Variants in CACNA1B observed in about 807,000 individuals in gnomAD.
CACNA1B encodes calcium voltage-gated channel subunit alpha1 B, also known as voltage-dependent N-type calcium channel subunit alpha-1B.
A neutral mutation model predicts 247.2 loss-of-function variants in CACNA1B; 70 were observed. That is an observed-to-expected ratio of 0.28 (90% CI 0.23 to 0.35). The LOEUF (loss-of-function observed/expected upper bound fraction) is 0.35. CACNA1B is among the 10% of genes least tolerant of loss of function. The pLI, the probability that CACNA1B is intolerant of heterozygous loss-of-function variation, is 1.00. For missense variants in CACNA1B, 2,367 were observed against 3,197.4 expected (o/e 0.74, Z 6.26); for synonymous variants, 1,231 against 1,294.4 (o/e 0.95, Z 1.05).
chr9:138,115,718 G>C (rs1333485974), intron 42 of CACNA1B, 39 bp downstream of exon 42: 1 of 1,584,270 alleles, frequency 6.3e-7, no homozygotes, highest in Admixed American at 1.7e-5. Flanking sequence ...GACAGGAGGA[G>C]GTCCAAAGAC....
chr9:137,986,769 C>G lies in CACNA1B; in HGVS notation c.1902-13C>G. 1 of 1,610,660 alleles carries G rather than the reference C, an allele frequency of 6.2e-7. No homozygotes were observed. Among genetic ancestry groups the G allele is most frequent in the Non-Finnish European group, 8.5e-7 (1 of 1,176,874 alleles). ...CGGGACTGCCACTTCCCAAGCCTTCCTGTTTTCCTCAGGTTCAACTTCCAG... is the reference window on the plus strand; with the variant it reads ...CGGGACTGCCACTTCCCAAGCCTTCGTGTTTTCCTCAGGTTCAACTTCCAG... On this transcript the variant is annotated splice_polypyrimidine_tract_variant and intron_variant, in intron 14 of 46. Transcript: ENST00000371372. This position sits in a 1 kb window ranked among gnomAD's most constrained non-coding sequence, Gnocchi z 6.0.
rs1213558513 is a variant in CACNA1B, at chr9:138,123,987, G to A, written c.*1988G>A. ...ATGCAGAACCACAGCCATTTCCCCA[G>A]GCAGTGTTGGGTCGAGAATCCACTT... On this transcript the variant is annotated 3_prime_UTR_variant, in exon 47 of 47. Coordinates refer to ENST00000371372, the MANE Select transcript of CACNA1B (RefSeq NM_000718.4). The A allele has an allele frequency of 6.6e-6, 1 of 152,174 alleles. No individual in the cohort carries two copies. The highest frequency in any genetic ancestry group is 1.9e-4 in the East Asian group (1 of 5,200). 9.4% of individuals were successfully genotyped at this position (152,174 alleles called of 1,614,324 possible). A position where few individuals can be genotyped will look rare whatever the true frequency, so the allele number is the denominator to read the frequency against.
rs1174884659 is a variant in CACNA1B at position 137,899,357 on chromosome 9, C to T, written c.531-13823C>T. Among the ~76,000 whole-genome samples the T allele has an allele frequency of 2.0e-5, 3 of 151,986 alleles. No individual in the cohort carries two copies. Among genetic ancestry groups the T allele is most frequent in the Admixed American group, 6.6e-5 (1 of 15,246 alleles). ...ATCCACCTGTCTTGGCCTCCCAAAGCGCTGGGATTGGGATATGCTTTCTTA... is the reference window on the plus strand; with the variant it reads ...ATCCACCTGTCTTGGCCTCCCAAAGTGCTGGGATTGGGATATGCTTTCTTA... On this transcript the variant is annotated intron_variant, in intron 3 of 46. Coordinates refer to ENST00000371372, the MANE Select transcript of CACNA1B (RefSeq NM_000718.4). This position sits in a 1 kb window ranked among gnomAD's most constrained non-coding sequence, Gnocchi z 5.0.
At chr9:138,113,246 A>C (rs1961721456) in intron 40 of CACNA1B, among the ~76,000 whole-genome samples, 1 of 144,988 alleles carries the variant, frequency 6.9e-6, no homozygotes, top group Non-Finnish European at 1.5e-5. Context: ...GCCCAACTCC[A>C]CTGGGAGGTG....
At position 137,913,144 on chromosome 9, in the gene CACNA1B, A is replaced by C. The variant is rs1957376010; in HGVS notation, c.531-36A>C. On this transcript the variant is annotated intron_variant, in intron 3 of 46. Coordinates refer to ENST00000371372, the MANE Select transcript of CACNA1B (RefSeq NM_000718.4). This position sits in a 1 kb window ranked among gnomAD's most constrained non-coding sequence, Gnocchi z 5.2. ...TGTCCTCTTCCAGGCTCAATGTGGA[A>C]ACCTTTACTTCCCTTCTTCTCCTTG... is the stretch of plus-strand genomic sequence containing the variant. The C allele has an allele frequency of 1.3e-6, 2 of 1,565,498 alleles. No individual in the cohort carries two copies. Among genetic ancestry groups the C allele is most frequent in the Non-Finnish European group, 1.8e-6 (2 of 1,136,726 alleles).
chr9:137,957,478 C>G lies in CACNA1B; in HGVS notation c.1244-120C>G. ...CAATCATCCGGCCTCAGCCCCAGTT[C>G]AGGACAGGAGCTCAGGAGAGGTCAC... is the stretch of plus-strand genomic sequence containing the variant. On this transcript the variant is annotated intron_variant, in intron 9 of 46. Transcript: ENST00000371372. The surrounding 1 kb of genome is among the most constrained non-coding windows in gnomAD (Gnocchi z 4.7). 2 of 597,694 alleles carry G rather than the reference C, an allele frequency of 3.3e-6. No individual in the cohort carries two copies. Among genetic ancestry groups the G allele is most frequent in the South Asian group, 6.1e-5 (2 of 32,842 alleles). The allele number at this position is 597,694 out of a possible 1,614,324, so 37.0% of individuals were successfully genotyped here.
Position 137,888,564 on chromosome 9 carries a change from T to C in CACNA1B, c.530+5681T>C, listed in dbSNP as rs1957050864. Among the ~76,000 whole-genome samples, 1 of 152,170 alleles carries C rather than the reference T, an allele frequency of 6.6e-6. No individual in the cohort carries two copies. Among genetic ancestry groups the C allele is most frequent in the African/African-American group, 2.4e-5 (1 of 41,436 alleles). On this transcript the variant is annotated intron_variant, in intron 3 of 46. Transcript: ENST00000371372. This position sits in a 1 kb window ranked among gnomAD's most constrained non-coding sequence, Gnocchi z 4.7. ...AGGCAGGTGGCTCTCCGGGGGAGCT[T>C]TCCAACCACGGCTTCTTGTTTTAGT...
At chr9:138,006,277 A>G (rs1056919853) in intron 15 of CACNA1B, among the ~76,000 whole-genome samples, 1 of 152,144 alleles carries the variant, frequency 6.6e-6, no homozygotes, top group African/African-American at 2.4e-5. Flanking sequence ...CTACTAGGAC[A>G]AGGGTTGCAT....
chr9:138,116,909 C>G (rs1961887734), intron 42 of CACNA1B, among the ~76,000 whole-genome samples: 1 of 152,182 alleles, frequency 6.6e-6, no homozygotes, highest in African/African-American at 2.4e-5. Flanking sequence ...TTGCAACTCT[C>G]AGAAGACAAA....
At chr9:138,021,015 C>T (rs974066240) in intron 18 of CACNA1B, among the ~76,000 whole-genome samples, 4 of 152,208 alleles carry the variant, frequency 2.6e-5, no homozygotes, top group African/African-American at 4.8e-5. Flanking sequence ...AGGCCCCTCT[C>T]GGGCACTGGA....
chr9:137,996,696 T>G (rs1177598270), intron 15 of CACNA1B, among the ~76,000 whole-genome samples: 2 of 152,154 alleles, frequency 1.3e-5, no homozygotes, highest in Non-Finnish European at 2.9e-5. Flanking sequence ...AATCTCCTGC[T>G]CAAGTTACCA....
At chr9:138,066,569 C>T (rs927882641) in intron 31 of CACNA1B, among the ~76,000 whole-genome samples, 3 of 152,050 alleles carry the variant, frequency 2.0e-5, no homozygotes, top group African/African-American at 7.3e-5. Flanking sequence ...AGAAGCAGAG[C>T]GATCACAGGG....
Position 137,914,847 on chromosome 9 carries a change from G to A in CACNA1B, c.775+41G>A, listed in dbSNP as rs11137301. 1.9e-3 allele frequency: 3,113 copies of A among 1,606,966 alleles called. 44 individuals are homozygous for A. The East Asian group carries it at 0.041, about 21-fold the overall frequency. ...ACCCTCCAGCACAGGCAAGTGCCACGGATGCGTTCATCCAGGAGATGGGCA... is the reference window on the plus strand; with the variant it reads ...ACCCTCCAGCACAGGCAAGTGCCACAGATGCGTTCATCCAGGAGATGGGCA... On this transcript the variant is annotated intron_variant, in intron 5 of 46. Coordinates refer to ENST00000371372, the MANE Select transcript of CACNA1B (RefSeq NM_000718.4). The surrounding 1 kb of genome is among the most constrained non-coding windows in gnomAD (Gnocchi z 4.3).
chr9:137,967,890 G>A (rs552621864), intron 10 of CACNA1B, among the ~76,000 whole-genome samples: 26 of 152,172 alleles, frequency 1.7e-4, no homozygotes, highest in African/African-American at 5.8e-4. Flanking sequence ...CCTGTTTCAC[G>A]TGGTGTTGCT....
At chr9:137,953,447 C>T (rs1431159638) in intron 7 of CACNA1B, among the ~76,000 whole-genome samples, 2 of 152,190 alleles carry the variant, frequency 1.3e-5, no homozygotes, top group African/African-American at 4.8e-5. Flanking sequence ...TGGCTGGAGC[C>T]GAAGCCTCTG....
At position 137,941,627 on chromosome 9, in the gene CACNA1B, C is replaced by A. The variant is rs571033806; in HGVS notation, c.967-10647C>A. Among the ~76,000 whole-genome samples the A allele has an allele frequency of 7.9e-5, 12 of 152,262 alleles. 1 individual carries two copies. In the South Asian group the frequency reaches 2.5e-3, roughly 32 times the overall value. On this transcript the variant is annotated intron_variant, in intron 6 of 46. Transcript: ENST00000371372. The stretch of plus-strand genomic sequence containing the variant: ...TAGTATAAGGCCATAGTCACCAAAA[C>A]AGCATGGTACTGGTATAAAAATAGG...
intron 36 of CACNA1B, among the ~76,000 whole-genome samples, chr9:138,079,959 G>A (rs182588382): frequency 3.3e-5 from 5 of 152,196 alleles, no homozygotes; most frequent in African/African-American, 7.2e-5. Context: ...CTCCGTCAGC[G>A]TAGTGGGAGT....
At chr9:137,945,217 T>G (rs1957781289) in intron 6 of CACNA1B, among the ~76,000 whole-genome samples, 1 of 152,204 alleles carries the variant, frequency 6.6e-6, no homozygotes, top group Non-Finnish European at 1.5e-5. Flanking sequence ...TTGTCAGGGT[T>G]CAACTGATTC....
chr9:138,111,985 G>A (rs766372497), intron 39 of CACNA1B, among the ~76,000 whole-genome samples: 7 of 151,226 alleles, frequency 4.6e-5, no homozygotes, highest in Non-Finnish European at 1.0e-4. Context: ...AGACTAAAGC[G>A]TTGTCAACTC....
Sources: allele counts gnomAD v4.1 joint callset (sites outside exome capture counted in the v4.1 genomes callset), GRCh38; gene constraint gnomAD v4.1.1; non-coding constraint Gnocchi (gnomAD v3.1); transcripts MANE v1.5; gene names NCBI Gene and HGNC (gene_info 2026-07-23, HGNC 2026-07-21).